Variants in SPIDR observed in about 807,000 individuals in gnomAD.
The protein encoded by SPIDR is DNA repair-scaffolding protein.
In SPIDR, 93 loss-of-function variants were observed where a neutral mutation model predicts 104.6. That is an observed-to-expected ratio of 0.89 (90% CI 0.75 to 1.06). The LOEUF (loss-of-function observed/expected upper bound fraction) is 1.06. Ranked by LOEUF, SPIDR falls within the 50% of genes least tolerant of loss-of-function variation. SPIDR has a pLI of 0.00. For missense variants in SPIDR, 1,154 were observed against 1,111.2 expected (o/e 1.04, Z -0.55); for synonymous variants, 431 against 416.9 (o/e 1.03, Z -0.41).
At chr8:47,369,254 G>A (rs2154294044) in intron 5 of SPIDR, among the ~76,000 whole-genome samples, 1 of 152,330 alleles carries the variant, frequency 6.6e-6, no homozygotes, top group South Asian at 2.1e-4. Context: ...AGGAGTAAGA[G>A]AGGCAGCTTC....
In SPIDR at chr8:47,729,141, G is replaced by A. The variant is rs778170882; in HGVS notation, c.2550+94G>A. On this transcript the variant is annotated intron_variant, in intron 18 of 19. Coordinates refer to ENST00000297423, the MANE Select transcript of SPIDR (RefSeq NM_001080394.4). Reference sequence around the variant, plus strand: ...GAAGCAGGTGCACGTCCTCCTGTACGCCTGCAGAGGCGCTGGGACTCGGCT... The same window carrying A: ...GAAGCAGGTGCACGTCCTCCTGTACACCTGCAGAGGCGCTGGGACTCGGCT... 22 of 1,548,628 alleles carry A rather than the reference G, an allele frequency of 1.4e-5. 1 individual carries two copies. The highest frequency in any genetic ancestry group is 1.7e-4 in the Middle Eastern group (1 of 5,980).
chr8:47,563,014 G>A (rs982024726), intron 8 of SPIDR, among the ~76,000 whole-genome samples: 1 of 150,336 alleles, frequency 6.7e-6, no homozygotes, highest in Middle Eastern at 3.5e-3. Flanking sequence ...GGGCTAATTA[G>A]AAACAGTACT....
intron 11 of SPIDR, among the ~76,000 whole-genome samples, chr8:47,695,722 G>T (rs2154480866): frequency 6.6e-6 from 1 of 152,262 alleles, no homozygotes; most frequent in African/African-American, 2.4e-5. Context: ...TGGAAATCTT[G>T]GTTGCCCTTA....
chr8:47,614,143 A>G (rs2063956030), intron 10 of SPIDR, among the ~76,000 whole-genome samples: 1 of 151,790 alleles, frequency 6.6e-6, no homozygotes, highest in East Asian at 1.9e-4. Flanking sequence ...TTCCTGTGAT[A>G]TTCTGCTGGG....
Position 47,545,052 on chromosome 8 carries a change from CAA to C in SPIDR, c.1098-50757_1098-50756del, listed in dbSNP as rs1378226818. Among the ~76,000 whole-genome samples, 5 of 149,954 alleles carry C rather than the reference CAA, an allele frequency of 3.3e-5. No individual in the cohort carries two copies. In the East Asian group the frequency reaches 9.8e-4, roughly 30 times the overall value. ...TACAGGTATTTTGTTAGATTTACACCAAAGTCTTTCTTTTTATCTTTTCTTTC... is the reference window on the plus strand; with the variant it reads ...TACAGGTATTTTGTTAGATTTACACCAGTCTTTCTTTTTATCTTTTCTTTC... On this transcript the variant is annotated intron_variant, in intron 8 of 19. Transcript: ENST00000297423.
intron 11 of SPIDR, among the ~76,000 whole-genome samples, chr8:47,685,277 C>G (rs557751886): frequency 4.0e-4 from 61 of 152,132 alleles, no homozygotes; most frequent in Non-Finnish European, 5.7e-4. Context: ...AAAACAAATA[C>G]CACTTATCCC....
chr8:47,433,818 A>G (rs1370296334), intron 7 of SPIDR, among the ~76,000 whole-genome samples: 4 of 152,244 alleles, frequency 2.6e-5, no homozygotes, highest in Admixed American at 2.6e-4. Context: ...GTTATAGGGT[A>G]TACTGTGAAC....
intron 5 of SPIDR, among the ~76,000 whole-genome samples, chr8:47,298,408 G>C (rs2041334922): frequency 6.6e-6 from 1 of 152,240 alleles, no homozygotes; most frequent in Middle Eastern, 3.4e-3. Context: ...TTAGGTTGCT[G>C]TTCACTCTGA....
chr8:47,631,622 T>A (rs2067088515), intron 10 of SPIDR, among the ~76,000 whole-genome samples: 1 of 152,158 alleles, frequency 6.6e-6, no homozygotes, highest in African/African-American at 2.4e-5. Context: ...ATTTGGGACA[T>A]ATAAAAGAGG....
At chr8:47,391,188 A>G (rs187566579) in intron 5 of SPIDR, among the ~76,000 whole-genome samples, 1 of 152,226 alleles carries the variant, frequency 6.6e-6, no homozygotes, top group Non-Finnish European at 1.5e-5. Context: ...TGCTAAAATG[A>G]TGGCTTCTAG....
chr8:47,582,107 C>G (rs763660134), intron 8 of SPIDR, among the ~76,000 whole-genome samples: 1 of 151,968 alleles, frequency 6.6e-6, no homozygotes, highest in Non-Finnish European at 1.5e-5. Context: ...ATCTCAGCTA[C>G]TCTGGAGTCT....
chr8:47,653,619 G>A (rs2072102461), intron 10 of SPIDR, among the ~76,000 whole-genome samples: 1 of 152,138 alleles, frequency 6.6e-6, no homozygotes, highest in African/African-American at 2.4e-5. Context: ...TTGTCCCCAA[G>A]GGCAGGAACT....
intron 8 of SPIDR, among the ~76,000 whole-genome samples, chr8:47,468,817 C>G (rs573543523): frequency 6.6e-6 from 1 of 152,150 alleles, no homozygotes; most frequent in East Asian, 1.9e-4. Context: ...GCAATTGCAA[C>G]AAAAGGAAAA....
At chr8:47,311,741 T>C (rs995221356) in intron 5 of SPIDR, among the ~76,000 whole-genome samples, 2 of 152,132 alleles carry the variant, frequency 1.3e-5, no homozygotes, top group Non-Finnish European at 1.5e-5. Flanking sequence ...TATTATACTT[T>C]AAGTTTTAGG....
chr8:47,522,189 GAAAAGAAA>G (rs2084256555), intron 8 of SPIDR, among the ~76,000 whole-genome samples: 3 of 147,760 alleles, frequency 2.0e-5, no homozygotes, highest in South Asian at 4.3e-4. Flanking sequence ...AAAAAAAAAA[GAAAAGAAA>G]AAAAGAAACA....
intron 6 of SPIDR, among the ~76,000 whole-genome samples, chr8:47,400,327 C>A (rs550911830): frequency 6.6e-6 from 1 of 152,206 alleles, no homozygotes. Context: ...TCATTTTCTT[C>A]TTGTGATTTC....
intron 10 of SPIDR, among the ~76,000 whole-genome samples, chr8:47,672,499 C>T (rs1235319228): frequency 1.3e-5 from 2 of 152,150 alleles, no homozygotes; most frequent in Non-Finnish European, 2.9e-5. Context: ...CTCATATATA[C>T]ACTTTTCAGA....
intron 11 of SPIDR, among the ~76,000 whole-genome samples, chr8:47,684,614 C>T (rs1203740108): frequency 6.6e-6 from 1 of 152,174 alleles, no homozygotes; most frequent in East Asian, 1.9e-4. Flanking sequence ...GCAATGTAAA[C>T]CACCATGTAA....
chr8:47,492,022 G>C (rs952536541), intron 8 of SPIDR, among the ~76,000 whole-genome samples: 6 of 152,146 alleles, frequency 3.9e-5, no homozygotes, highest in African/African-American at 1.4e-4. Flanking sequence ...TTAACCATGT[G>C]ACACTACCTG....
Sources: allele counts gnomAD v4.1 joint callset (sites outside exome capture counted in the v4.1 genomes callset), GRCh38; gene constraint gnomAD v4.1.1; transcripts MANE v1.5; gene names NCBI Gene and HGNC (gene_info 2026-07-23, HGNC 2026-07-21).